Variants in STK38 observed in about 807,000 individuals in gnomAD.
STK38 encodes serine/threonine kinase 38.
Under a neutral mutation model 59.0 loss-of-function variants are expected in STK38, and 26 were observed. That is an observed-to-expected ratio of 0.44 (90% confidence interval 0.32 to 0.61). The LOEUF is 0.61. Among genes scored for constraint, STK38 ranks in the 20% least tolerant of loss-of-function variants. The pLI is 0.04. For missense variants in STK38, 433 were observed against 566.0 expected (o/e 0.76, Z 2.38); for synonymous variants, 175 against 176.6 (o/e 0.99, Z 0.07).
chr6:36,497,215 A>G (rs1561970042), intron 12 of STK38, among the ~76,000 whole-genome samples: 1 of 152,202 alleles, frequency 6.6e-6, no homozygotes, highest in Non-Finnish European at 1.5e-5. Flanking sequence ...ACAAGCAGCA[A>G]ATCAGTACAC....
intron 9 of STK38, among the ~76,000 whole-genome samples, chr6:36,501,664 A>T (rs557864399): frequency 6.8e-4 from 103 of 151,502 alleles, no homozygotes; most frequent in Non-Finnish European, 1.2e-3. Context: ...ACCTCAAGTG[A>T]TCCACCCACC....
intron 1 of STK38, among the ~76,000 whole-genome samples, chr6:36,541,681 A>G (rs1208525666): frequency 6.6e-6 from 1 of 152,170 alleles, no homozygotes; most frequent in African/African-American, 2.4e-5. Context: ...AGCAGAATGT[A>G]TATCACGATC....
At chr6:36,514,607 T>C (rs1482252783) in intron 7 of STK38, among the ~76,000 whole-genome samples, 2 of 152,076 alleles carry the variant, frequency 1.3e-5, no homozygotes, top group Non-Finnish European at 2.9e-5. Flanking sequence ...AGCACAGGGA[T>C]TATCTTCTAA....
At chr6:36,541,798 T>C (rs1777943849) in intron 1 of STK38, among the ~76,000 whole-genome samples, 1 of 151,894 alleles carries the variant, frequency 6.6e-6, no homozygotes, top group Non-Finnish European at 1.5e-5. Flanking sequence ...AAAATGTTAT[T>C]CTTGCTTGTG....
Position 36,497,839 on chromosome 6 carries a change from A to G in STK38, c.1113T>C (p.Pro371=). 1 of 1,613,852 alleles carries G rather than the reference A, an allele frequency of 6.2e-7. No homozygotes were observed. The highest frequency in any genetic ancestry group is 8.5e-7 in the Non-Finnish European group (1 of 1,179,908). ...CCEWEHRIGA[P]GVEEIKSNSF... ...AGTTACTTTTTATTTCCTCAACTCC[A>G]GGAGCTCCAATTCTATGTTCCCATT... Residue 371 remains proline, a synonymous_variant, in exon 12 of 14, where the codon CCT becomes CCC. Transcript: ENST00000229812.
At chr6:36,519,926 T>C (rs1777341146) in intron 5 of STK38, among the ~76,000 whole-genome samples, 1 of 152,154 alleles carries the variant, frequency 6.6e-6, no homozygotes, top group Admixed American at 6.5e-5. Flanking sequence ...AGCAGAAAAA[T>C]AACCTGAACT....
chr6:36,499,766 A>C, intron 10 of STK38, 107 bp downstream of exon 10: 1 of 904,558 alleles, frequency 1.1e-6, no homozygotes, highest in Non-Finnish European at 1.8e-6. Context: ...TTTGAAAGAC[A>C]AGTAGGGAAA....
At chr6:36,520,067 T>G (rs991456424) in intron 5 of STK38, among the ~76,000 whole-genome samples, 1 of 152,196 alleles carries the variant, frequency 6.6e-6, no homozygotes, top group Non-Finnish European at 1.5e-5. Flanking sequence ...TCTACTTCCA[T>G]CTTTTATCTA....
chr6:36,527,203 A>ATATATATATAT (rs1421433987), intron 2 of STK38, among the ~76,000 whole-genome samples: 1 of 121,142 alleles, frequency 8.3e-6, no homozygotes, highest in African/African-American at 3.4e-5. Context: ...AAAAAAAAAA[A>ATATATATATAT]AAAAATATAT....
intron 7 of STK38, among the ~76,000 whole-genome samples, chr6:36,514,424 G>A (rs957359113): frequency 3.3e-5 from 5 of 151,772 alleles, no homozygotes; most frequent in Non-Finnish European, 7.4e-5. Context: ...CACCTTACAA[G>A]AAAAATTCAG....
chr6:36,521,109 A>G (rs565921373), intron 5 of STK38, among the ~76,000 whole-genome samples: 3 of 152,342 alleles, frequency 2.0e-5, no homozygotes, highest in Non-Finnish European at 4.4e-5. Flanking sequence ...TTTATTTTGC[A>G]TAAGGCACTT....
chr6:36,512,002 T>C (rs1777122238), intron 7 of STK38, among the ~76,000 whole-genome samples: 1 of 152,152 alleles, frequency 6.6e-6, no homozygotes, highest in Non-Finnish European at 1.5e-5. Context: ...GAAGTCACAG[T>C]GAGCCAAGAT....
intron 1 of STK38, among the ~76,000 whole-genome samples, chr6:36,545,713 T>G (rs753698796): frequency 3.9e-5 from 6 of 152,238 alleles, no homozygotes; most frequent in African/African-American, 7.2e-5. Flanking sequence ...ATTCAAGCCT[T>G]CCTGCCCTGA....
At chr6:36,497,029 TAGAA>T (rs912740930) in intron 12 of STK38, among the ~76,000 whole-genome samples, 1 of 152,110 alleles carries the variant, frequency 6.6e-6, no homozygotes, top group African/African-American at 2.4e-5. Context: ...CATTCATAGC[TAGAA>T]AGAAAGATAA....
chr6:36,526,334 C>A (rs1480488206), intron 2 of STK38, among the ~76,000 whole-genome samples: 1 of 151,370 alleles, frequency 6.6e-6, no homozygotes, highest in African/African-American at 2.4e-5. Context: ...CTGAAGTCTA[C>A]TTCCTTTATT....
chr6:36,542,100 G>A (rs962250987), intron 1 of STK38, among the ~76,000 whole-genome samples: 6 of 152,012 alleles, frequency 3.9e-5, no homozygotes, highest in Non-Finnish European at 4.4e-5. Context: ...CTCCCAAAGT[G>A]CTGGGATTGC....
intron 1 of STK38, among the ~76,000 whole-genome samples, chr6:36,541,275 T>C (rs6899372): frequency 0.23 from 34,887 of 152,036 alleles, 4,191 homozygotes; most frequent in East Asian, 0.39. Context: ...CACAATACCA[T>C]ATAGATAAAT....
intron 2 of STK38, among the ~76,000 whole-genome samples, chr6:36,530,676 TTTTTC>T (rs1326702329): frequency 5.2e-4 from 77 of 148,614 alleles, no homozygotes; most frequent in African/African-American, 1.5e-3. Context: ...CTTTTTCCTT[TTTTTC>T]TTTTCTTTTC....
At chr6:36,533,714 G>T (rs1263590671) in intron 2 of STK38, among the ~76,000 whole-genome samples, 1 of 152,148 alleles carries the variant, frequency 6.6e-6, no homozygotes, top group African/African-American at 2.4e-5. Flanking sequence ...AAACCCAGAG[G>T]ACTACTACTA....
Sources: gnomAD v4.1 joint callset for allele counts (sites outside exome capture counted in the v4.1 genomes callset) on GRCh38, gnomAD v4.1.1 for gene constraint, MANE v1.5 for transcripts, NCBI Gene and HGNC (gene_info 2026-07-23, HGNC 2026-07-21) for gene names.